The following PDE1C variants were observed in gnomAD, a reference collection of about 807,000 sequenced individuals.
The protein encoded by PDE1C is phosphodiesterase 1C, also known as dual specificity calcium/calmodulin-dependent 3',5'-cyclic nucleotide phosphodiesterase 1C.
In PDE1C, 62 loss-of-function variants were observed where a neutral mutation model predicts 93.1. That is an observed-to-expected ratio of 0.67 (90% CI 0.54 to 0.82). The LOEUF (loss-of-function observed/expected upper bound fraction) is 0.82. PDE1C is among the 40% of genes least tolerant of loss of function. PDE1C has a pLI of 0.00. For synonymous variants in PDE1C, 325 were observed against 310.1 expected (o/e 1.05, Z -0.50); for missense variants, 742 against 884.6 (o/e 0.84, Z 2.04).
intron 2 of PDE1C, among the ~76,000 whole-genome samples, chr7:31,992,026 C>T (rs12701167): frequency 0.15 from 23,512 of 152,218 alleles, 2,176 homozygotes; most frequent in Non-Finnish European, 0.21. Context: ...GAGAGGGAGG[C>T]TTCTGTTTCC....
chr7:31,673,640 T>C, the PDE1C span, among the ~76,000 whole-genome samples: 1 of 152,160 alleles, frequency 6.6e-6, no homozygotes, highest in African/African-American at 2.4e-5. Flanking sequence ...GGTAATTTTA[T>C]GGTGCTACTT....
chr7:32,167,392 T>G (rs576989575), intron 3 of PDE1C, among the ~76,000 whole-genome samples: 2 of 151,992 alleles, frequency 1.3e-5, no homozygotes, highest in Non-Finnish European at 2.9e-5. Flanking sequence ...CTGAGAAAAA[T>G]TGTGGTTGTG....
intron 2 of PDE1C, among the ~76,000 whole-genome samples, chr7:32,182,733 C>G (rs1003712287): frequency 1.3e-5 from 2 of 152,154 alleles, no homozygotes; most frequent in East Asian, 1.9e-4. Flanking sequence ...CCTTTGAAAA[C>G]TGGCACAAGA....
chr7:32,329,543 T>C (rs751537158), intron 1 of PDE1C, among the ~76,000 whole-genome samples: 6 of 152,218 alleles, frequency 3.9e-5, no homozygotes, highest in Non-Finnish European at 8.8e-5. Context: ...CACAGAGGTA[T>C]GGCAGCACTT....
At chr7:31,688,273 C>T in the PDE1C span, among the ~76,000 whole-genome samples, 1 of 152,182 alleles carries the variant, frequency 6.6e-6, no homozygotes, top group Non-Finnish European at 1.5e-5. Context: ...ATAACTGTCC[C>T]AAGTTCACCC....
intron 3 of PDE1C, among the ~76,000 whole-genome samples, chr7:32,165,464 A>G (rs531238919): frequency 6.6e-6 from 1 of 152,318 alleles, no homozygotes; most frequent in South Asian, 2.1e-4. Flanking sequence ...GGTTTAATTG[A>G]CTCACAGTTC....
intron 1 of PDE1C, among the ~76,000 whole-genome samples, chr7:32,330,803 T>C (rs1783497802): frequency 2.0e-5 from 3 of 152,068 alleles, no homozygotes; most frequent in Non-Finnish European, 2.9e-5. Flanking sequence ...CAGAAGTCCC[T>C]AAAAACACTA....
chr7:31,812,091 A>T (rs1298064316), intron 15 of PDE1C, among the ~76,000 whole-genome samples: 1 of 152,108 alleles, frequency 6.6e-6, no homozygotes, highest in East Asian at 1.9e-4. Context: ...TGCAGTTATA[A>T]ATCATTTTAA....
At chr7:32,004,229 A>G (rs1212808967) in intron 2 of PDE1C, among the ~76,000 whole-genome samples, 1 of 149,650 alleles carries the variant, frequency 6.7e-6, no homozygotes, top group African/African-American at 2.5e-5. Flanking sequence ...CTGCCTATGA[A>G]CACAAAATGG....
chr7:32,406,452 A>T (rs1399203415), intron 1 of PDE1C, among the ~76,000 whole-genome samples: 1 of 152,022 alleles, frequency 6.6e-6, no homozygotes, highest in Non-Finnish European at 1.5e-5. Flanking sequence ...GAGGAAAAAA[A>T]TGCTACTGAA....
intron 1 of PDE1C, among the ~76,000 whole-genome samples, chr7:32,243,585 T>A (rs1808696380): frequency 6.6e-6 from 1 of 152,122 alleles, no homozygotes; most frequent in Non-Finnish European, 1.5e-5. Flanking sequence ...AGTCAAGATA[T>A]CAGGAACATC....
At chr7:32,206,881 C>T (rs1805601112) in intron 2 of PDE1C, among the ~76,000 whole-genome samples, 1 of 152,232 alleles carries the variant, frequency 6.6e-6, no homozygotes, top group Non-Finnish European at 1.5e-5. Context: ...AGTCTCAACT[C>T]TTCACTGTCC....
chr7:31,790,281 AG>A (rs755847281), intron 16 of PDE1C: 1 of 1,606,614 alleles, frequency 6.2e-7, no homozygotes, highest in South Asian at 1.1e-5. Context: ...AAAAAGAAAA[AG>A]AAAAGTGTCA....
intron 1 of PDE1C, among the ~76,000 whole-genome samples, chr7:32,406,582 G>A (rs924382821): frequency 1.7e-4 from 25 of 151,104 alleles, no homozygotes; most frequent in African/African-American, 5.6e-4. Flanking sequence ...TGTATAAAAT[G>A]CTGAGCAAGG....
At chr7:32,275,379 C>A (rs562463179) in intron 1 of PDE1C, among the ~76,000 whole-genome samples, 119 of 152,296 alleles carry the variant, frequency 7.8e-4, no homozygotes, top group Non-Finnish European at 3.8e-4. Flanking sequence ...CCCTGATGAG[C>A]CAAGCAGGCT....
intron 3 of PDE1C, among the ~76,000 whole-genome samples, chr7:32,088,355 G>GA (rs1435463807): frequency 6.6e-6 from 1 of 152,198 alleles, no homozygotes; most frequent in Non-Finnish European, 1.5e-5. Context: ...AAGTACACTT[G>GA]AAGGCATGAT....
intron 3 of PDE1C, among the ~76,000 whole-genome samples, chr7:32,127,821 T>G (rs1799670702): frequency 6.6e-6 from 1 of 152,052 alleles, no homozygotes; most frequent in African/African-American, 2.4e-5. Context: ...ACCATAAAGT[T>G]AGTATAATTT....
the PDE1C span, among the ~76,000 whole-genome samples, chr7:31,677,222 C>A: frequency 7.3e-4 from 111 of 152,120 alleles, 1 homozygote; most frequent in African/African-American, 2.6e-3. Flanking sequence ...AGAATTTTAC[C>A]AAACTTTTAA....
At chr7:31,725,135 G>A in the PDE1C span, among the ~76,000 whole-genome samples, 4 of 151,658 alleles carry the variant, frequency 2.6e-5, no homozygotes, top group East Asian at 1.9e-4. Context: ...AGCAACACCC[G>A]CCACCTTGCC....
Sources: gnomAD v4.1 joint callset for allele counts (sites outside exome capture counted in the v4.1 genomes callset) on GRCh38, gnomAD v4.1.1 for gene constraint, MANE v1.5 for transcripts, NCBI Gene and HGNC (gene_info 2026-07-23, HGNC 2026-07-21) for gene names.